SH3RF3: variants seen among roughly 807,000 people sequenced by gnomAD.
The protein encoded by SH3RF3 is E3 ubiquitin-protein ligase SH3RF3.
In SH3RF3, 29 loss-of-function variants were observed where a neutral mutation model predicts 66.3. The ratio of observed to expected loss-of-function variants is 0.44; its 90% CI spans 0.33 to 0.60. The LOEUF is 0.60. Among genes scored for constraint, SH3RF3 ranks in the 20% least tolerant of loss-of-function variants. SH3RF3 has a pLI of 0.04. For missense variants in SH3RF3, 1,194 were observed against 1,190.9 expected, an observed-to-expected ratio of 1.00 and a Z score of -0.04; for synonymous variants, 583 against 532.0, an observed-to-expected ratio of 1.10 and a Z score of -1.32.
chr2:109,343,142 A>G (rs371630959), intron 1 of SH3RF3, among the ~76,000 whole-genome samples: 18 of 152,244 alleles, frequency 1.2e-4, no homozygotes, highest in African/African-American at 4.1e-4. Context: ...AGAGGCCTCC[A>G]GGTTGCTGCC....
At chr2:109,460,349 A>G (rs544834086) in intron 8 of SH3RF3, among the ~76,000 whole-genome samples, 1 of 152,292 alleles carries the variant, frequency 6.6e-6, no homozygotes, top group Non-Finnish European at 1.5e-5. Context: ...CCCCAGGTGG[A>G]TGCTGACCAT....
intron 1 of SH3RF3, among the ~76,000 whole-genome samples, chr2:109,142,562 C>T (rs1676982176): frequency 6.6e-6 from 1 of 152,176 alleles, no homozygotes; most frequent in South Asian, 2.1e-4. Flanking sequence ...CTGCTCTCCC[C>T]AGTGGCTGAG....
At chr2:109,240,004 A>G (rs1291876312) in intron 1 of SH3RF3, among the ~76,000 whole-genome samples, 1 of 152,228 alleles carries the variant, frequency 6.6e-6, no homozygotes, top group Admixed American at 6.5e-5. Context: ...TTGCTGGCTC[A>G]TGATAGATGA....
chr2:109,231,692 T>G (rs1224064700), intron 1 of SH3RF3, among the ~76,000 whole-genome samples: 1 of 152,216 alleles, frequency 6.6e-6, no homozygotes, highest in Non-Finnish European at 1.5e-5. Context: ...AATTAGTATT[T>G]TTAGTCTGCT....
intron 5 of SH3RF3, among the ~76,000 whole-genome samples, chr2:109,423,173 C>A (rs1431988106): frequency 6.6e-6 from 1 of 151,990 alleles, no homozygotes; most frequent in African/African-American, 2.4e-5. Flanking sequence ...ATCCAGGAGC[C>A]CAGAGAAAGA....
chr2:109,253,760 T>C (rs1680152361), intron 1 of SH3RF3, among the ~76,000 whole-genome samples: 2 of 151,810 alleles, frequency 1.3e-5, no homozygotes. Flanking sequence ...AGACCATGAT[T>C]TCTCTTTGAT....
chr2:109,273,466 A>C (rs946075632), intron 1 of SH3RF3, among the ~76,000 whole-genome samples: 1 of 152,096 alleles, frequency 6.6e-6, no homozygotes, highest in African/African-American at 2.4e-5. Flanking sequence ...AGGAGGGGAG[A>C]AGGGAGAACT....
At chr2:109,230,311 C>G (rs1399359935) in intron 1 of SH3RF3, among the ~76,000 whole-genome samples, 4 of 152,128 alleles carry the variant, frequency 2.6e-5, no homozygotes, top group African/African-American at 2.4e-5. Flanking sequence ...CATAGTGCCT[C>G]ACGCCTGTAA....
chr2:109,319,588 G>T (rs1331340568), intron 1 of SH3RF3, among the ~76,000 whole-genome samples: 2 of 152,224 alleles, frequency 1.3e-5, no homozygotes, highest in Admixed American at 6.5e-5. Context: ...GCTCGTTCCA[G>T]AACAGAAAGC....
intron 1 of SH3RF3, among the ~76,000 whole-genome samples, chr2:109,155,299 C>CTTTGT (rs1282696915): frequency 1.3e-5 from 2 of 152,042 alleles, no homozygotes; most frequent in African/African-American, 2.4e-5. Context: ...GAAGTTGGAT[C>CTTTGT]TTTGTTTTGT....
chr2:109,335,737 C>G (rs551086489), intron 1 of SH3RF3, among the ~76,000 whole-genome samples: 1 of 152,344 alleles, frequency 6.6e-6, no homozygotes, highest in East Asian at 1.9e-4. Context: ...GAACCGCACC[C>G]CACAAGTAAC....
At chr2:109,344,837 C>T (rs1016309997) in intron 1 of SH3RF3, among the ~76,000 whole-genome samples, 2 of 152,120 alleles carry the variant, frequency 1.3e-5, no homozygotes, top group African/African-American at 4.8e-5. Flanking sequence ...GGACAGACAG[C>T]CTCTAGGAGC....
intron 1 of SH3RF3, among the ~76,000 whole-genome samples, chr2:109,174,740 G>A (rs1677878010): frequency 6.6e-6 from 1 of 152,226 alleles, no homozygotes; most frequent in Non-Finnish European, 1.5e-5. Flanking sequence ...GTCTTTGGAG[G>A]AAAAGTTGGA....
At chr2:109,438,672 C>T (rs1677479433) in intron 7 of SH3RF3, among the ~76,000 whole-genome samples, 1 of 152,228 alleles carries the variant, frequency 6.6e-6, no homozygotes, top group Non-Finnish European at 1.5e-5. Context: ...CAACCCATGA[C>T]CTTCTGATCA....
At chr2:109,237,818 A>C (rs186042487) in intron 1 of SH3RF3, among the ~76,000 whole-genome samples, 1 of 152,376 alleles carries the variant, frequency 6.6e-6, no homozygotes, top group East Asian at 1.9e-4. Context: ...TTCTACACAA[A>C]GTTTCCATTT....
At chr2:109,252,066 T>C (rs537383072) in intron 1 of SH3RF3, among the ~76,000 whole-genome samples, 11 of 144,438 alleles carry the variant, frequency 7.6e-5, no homozygotes, top group African/African-American at 2.1e-4. Flanking sequence ...GGGCAACATA[T>C]AGAGATGCCA....
intron 2 of SH3RF3, among the ~76,000 whole-genome samples, chr2:109,359,334 T>G (rs1030951902): frequency 6.6e-6 from 1 of 152,246 alleles, no homozygotes; most frequent in Non-Finnish European, 1.5e-5. Context: ...TGATTGAGAT[T>G]GTGTTAAATC....
At chr2:109,307,496 A>G (rs1020827698) in intron 1 of SH3RF3, among the ~76,000 whole-genome samples, 15 of 149,794 alleles carry the variant, frequency 1.0e-4, no homozygotes, top group Middle Eastern at 6.9e-3. Flanking sequence ...ATATGTATAC[A>G]TGTGCCATGC....
chr2:109,178,231 T>C (rs1252091376), intron 1 of SH3RF3, among the ~76,000 whole-genome samples: 1 of 152,246 alleles, frequency 6.6e-6, no homozygotes, highest in African/African-American at 2.4e-5. Flanking sequence ...CAGAGTCATA[T>C]TCTATAAATT....
Sources: allele counts gnomAD v4.1 joint callset (sites outside exome capture counted in the v4.1 genomes callset), GRCh38; gene constraint gnomAD v4.1.1; transcripts MANE v1.5; gene names NCBI Gene and HGNC (gene_info 2026-07-23, HGNC 2026-07-21).